PDZD8: variants seen among roughly 807,000 people sequenced by gnomAD.
PDZD8 encodes PDZ domain-containing protein 8.
In PDZD8, 14 loss-of-function variants were observed where a neutral mutation model predicts 85.8. That is an observed-to-expected ratio of 0.16 (90% CI 0.11 to 0.26). The LOEUF (loss-of-function observed/expected upper bound fraction) is 0.26. Ranked by LOEUF, PDZD8 falls within the 10% of genes least tolerant of loss-of-function variation. The pLI is 1.00. For missense variants in PDZD8, 1,197 were observed against 1,424.3 expected (o/e 0.84, Z 2.57); for synonymous variants, 592 against 568.6 (o/e 1.04, Z -0.59).
Position 117,290,209 on chromosome 10 carries a change from C to T in PDZD8, c.1238G>A (p.Gly413Glu). 6.2e-7 allele frequency: 1 copy of T among 1,613,942 alleles called. No homozygotes were observed. The highest frequency in any genetic ancestry group is 1.7e-5 in the Admixed American group (1 of 59,964). Residue 413 changes from glycine to glutamate, a missense_variant, in exon 4 of 5, where the codon GGA (glycine) becomes GAA (glutamate). Around this residue, in one of 4 missense-constraint regions of PDZD8, gnomAD observed 344 missense variants for 453.6 expected, o/e 0.76. Coordinates refer to ENST00000334464, the MANE Select transcript of PDZD8 (RefSeq NM_173791.5). Reference protein sequence around the residue: ...SPAAIADLQRGDRLIAIGGVK... With the variant: ...SPAAIADLQREDRLIAIGGVK... Reference sequence around the variant, plus strand: ...ACCTCCAATGGCGATAAGTCGATCTCCCCGCTGAAGATCTGCAATTGCAGC... The same window carrying T: ...ACCTCCAATGGCGATAAGTCGATCTTCCCGCTGAAGATCTGCAATTGCAGC...
chr10:117,368,080 CCTAGAAAGACTAACCCTATAATAG>C (rs1394223962), intron 1 of PDZD8, among the ~76,000 whole-genome samples: 2 of 152,102 alleles, frequency 1.3e-5, no homozygotes, highest in Non-Finnish European at 2.9e-5. Flanking sequence ...CTTTGTTTTC[CCTAGAAAGACTAACCCTATAATAG>C]CATGAACTAG....
At chr10:117,350,448 T>A (rs1185486705) in intron 1 of PDZD8, among the ~76,000 whole-genome samples, 1 of 151,124 alleles carries the variant, frequency 6.6e-6, no homozygotes, top group South Asian at 2.1e-4. Context: ...GTATTTTTAG[T>A]AGAGACGAGG....
At chr10:117,294,546 T>C (rs1366445945) in intron 3 of PDZD8, among the ~76,000 whole-genome samples, 2 of 152,172 alleles carry the variant, frequency 1.3e-5, no homozygotes, top group Non-Finnish European at 2.9e-5. Context: ...GAAGATATAC[T>C]TGCACTTCCT....
intron 3 of PDZD8, among the ~76,000 whole-genome samples, chr10:117,299,618 C>G (rs1843812695): frequency 6.6e-6 from 1 of 152,114 alleles, no homozygotes; most frequent in Non-Finnish European, 1.5e-5. Context: ...TTGAAACTTT[C>G]CACTGCATTT....
At chr10:117,355,891 A>T (rs947469289) in intron 1 of PDZD8, among the ~76,000 whole-genome samples, 2 of 152,206 alleles carry the variant, frequency 1.3e-5, no homozygotes, top group African/African-American at 4.8e-5. Context: ...GAAAATTTTC[A>T]GAAGTTTCTA....
At chr10:117,305,459 TATACACACACATACACAC>T (rs1382410859) in intron 3 of PDZD8, among the ~76,000 whole-genome samples, 8 of 100,178 alleles carry the variant, frequency 8.0e-5, no homozygotes, top group Middle Eastern at 5.2e-3. Context: ...CACACACATA[TATACACACACATACACAC>T]ACACACACAC....
rs57494461 is a variant in PDZD8, at chr10:117,281,351, C to CAA, written c.*1915_*1916dup. The CAA allele has an allele frequency of 1.8e-5, 2 of 113,936 alleles. No homozygotes were observed. Among genetic ancestry groups the CAA allele is most frequent in the African/African-American group, 7.7e-5 (2 of 25,884 alleles). 7.1% of individuals were successfully genotyped at this position (113,936 alleles called of 1,614,324 possible). ...CCTGGGAGACAGCGAGACTCTGTCT[C>CAA]AAAAAAAAAAAAAAAAAAAAAAAAA... On this transcript the variant is annotated 3_prime_UTR_variant, in exon 5 of 5. Coordinates refer to ENST00000334464, the MANE Select transcript of PDZD8 (RefSeq NM_173791.5).
intron 3 of PDZD8, among the ~76,000 whole-genome samples, chr10:117,294,469 A>G (rs1451702975): frequency 6.6e-6 from 1 of 152,212 alleles, no homozygotes; most frequent in Non-Finnish European, 1.5e-5. Context: ...ATTTAAAAAT[A>G]GAACTAGCAA....
chr10:117,277,304 A>G lies in PDZD8; in HGVS notation c.*5964T>C. On this transcript the variant is annotated 3_prime_UTR_variant, in exon 5 of 5. Transcript: ENST00000334464. Reference sequence around the variant, plus strand: ...AAAAATCATCAAAGTGTTTAATTGTATAAAACAGTGTTTCCAGTGACACAA... The same window carrying G: ...AAAAATCATCAAAGTGTTTAATTGTGTAAAACAGTGTTTCCAGTGACACAA... The G allele has an allele frequency of 1.5e-6, 2 of 1,312,648 alleles. No homozygotes were observed. The highest frequency in any genetic ancestry group is 2.2e-6 in the Non-Finnish European group (2 of 915,588). 81.3% of individuals were successfully genotyped at this position (1,312,648 alleles called of 1,614,324 possible). A position where few individuals can be genotyped will look rare whatever the true frequency, so the allele number is the denominator to read the frequency against.
At chr10:117,295,316 C>T (rs1269299831) in intron 3 of PDZD8, among the ~76,000 whole-genome samples, 1 of 152,138 alleles carries the variant, frequency 6.6e-6, no homozygotes, top group Non-Finnish European at 1.5e-5. Flanking sequence ...TTTCTTCATC[C>T]TCTCAGCAAC....
intron 1 of PDZD8, among the ~76,000 whole-genome samples, chr10:117,347,833 G>A (rs539102889): frequency 2.0e-5 from 3 of 152,266 alleles, no homozygotes; most frequent in East Asian, 1.9e-4. Context: ...CAGCCAGTAC[G>A]TCCTGAAGCC....
rs192361940 is a variant in PDZD8 at position 117,301,898 on chromosome 10, C to G, written c.1099-11550G>C. ...TTCTCTCCCTCCCCCGGACAGCCCC[C>G]ACAAACACCCTTGAGTGTAAGGTAA... On this transcript the variant is annotated intron_variant, in intron 3 of 4. Coordinates refer to ENST00000334464, the MANE Select transcript of PDZD8 (RefSeq NM_173791.5). 3.8e-3 allele frequency among the ~76,000 whole-genome samples: 585 copies of G among 152,276 alleles called. 4 individuals carry two copies. Among genetic ancestry groups the G allele is most frequent in the African/African-American group, 0.014 (564 of 41,556 alleles).
intron 1 of PDZD8, among the ~76,000 whole-genome samples, chr10:117,357,888 A>C (rs555708160): frequency 1.0e-4 from 15 of 150,562 alleles, no homozygotes; most frequent in Non-Finnish European, 1.8e-4. Context: ...TTACTGTTAA[A>C]ATTTATTTTA....
chr10:117,325,797 ATTC>A (rs1844306716), intron 2 of PDZD8, among the ~76,000 whole-genome samples: 1 of 151,948 alleles, frequency 6.6e-6, no homozygotes, highest in Non-Finnish European at 1.5e-5. Context: ...TGGATCCTGG[ATTC>A]TTCTAGTTTC....
intron 3 of PDZD8, among the ~76,000 whole-genome samples, chr10:117,315,611 A>AAAC (rs1554853439): frequency 1.1e-4 from 16 of 151,044 alleles, no homozygotes; most frequent in African/African-American, 3.9e-4. Context: ...AAAAAAAAAA[A>AAAC]ACAATAATCT....
chr10:117,301,242 C>A (rs942929177), intron 3 of PDZD8, among the ~76,000 whole-genome samples: 7 of 152,220 alleles, frequency 4.6e-5, no homozygotes, highest in African/African-American at 1.7e-4. Flanking sequence ...CCTCAGCCTC[C>A]CAAAGTGCTG....
intron 2 of PDZD8, among the ~76,000 whole-genome samples, chr10:117,337,531 C>A (rs972112406): frequency 1.3e-5 from 2 of 152,122 alleles, no homozygotes; most frequent in African/African-American, 2.4e-5. Context: ...TTGGGAAATG[C>A]GAAACAGTAT....
intron 1 of PDZD8, among the ~76,000 whole-genome samples, chr10:117,351,941 A>C (rs1313986224): frequency 6.6e-6 from 1 of 152,144 alleles, no homozygotes; most frequent in Non-Finnish European, 1.5e-5. Context: ...GGCCTCCCAA[A>C]GTGTTGGGAT....
intron 3 of PDZD8, among the ~76,000 whole-genome samples, chr10:117,313,732 G>GT (rs1448695624): frequency 2.1e-5 from 3 of 142,620 alleles, no homozygotes; most frequent in Non-Finnish European, 3.1e-5. Context: ...CCTAAATACT[G>GT]TTTTTTTCTC....
Sources: gnomAD v4.1 joint callset for allele counts (sites outside exome capture counted in the v4.1 genomes callset) on GRCh38, gnomAD v4.1.1 for gene constraint, gnomAD v4.1.1 regional missense constraint, MANE v1.5 for transcripts, NCBI Gene and HGNC (gene_info 2026-07-23, HGNC 2026-07-21) for gene names.